The following DISC1 variants were observed in gnomAD, a reference collection of about 807,000 sequenced individuals.
The protein encoded by DISC1 is DISC1 scaffold protein, also known as disrupted in schizophrenia 1 protein.
In DISC1, 57 loss-of-function variants were observed where a neutral mutation model predicts 84.5. The observed-to-expected ratio is 0.67, with a 90% CI of 0.55 to 0.84. The LOEUF (loss-of-function observed/expected upper bound fraction) is 0.84. Among genes scored for constraint, DISC1 ranks in the 40% least tolerant of loss-of-function variants. DISC1 has a pLI of 0.00. For synonymous variants in DISC1, 411 were observed against 415.2 expected, an observed-to-expected ratio of 0.99 and a Z score of 0.12; for missense variants, 1,000 against 1,057.8, an observed-to-expected ratio of 0.95 and a Z score of 0.76.
intron 9 of DISC1, among the ~76,000 whole-genome samples, chr1:231,916,034 G>T (rs200030281): frequency 1.8e-4 from 28 of 152,180 alleles, no homozygotes; most frequent in Non-Finnish European, 3.5e-4. Flanking sequence ...ACAGGATTAC[G>T]AAGAGTAGCT....
chr1:232,017,661 G>A (rs1668609083), intron 11 of DISC1, among the ~76,000 whole-genome samples: 1 of 152,060 alleles, frequency 6.6e-6, no homozygotes, highest in African/African-American at 2.4e-5. Flanking sequence ...TATCCAAGGT[G>A]GAGGTTCATG....
At chr1:231,777,043 C>T (rs2077014402) in intron 6 of DISC1, among the ~76,000 whole-genome samples, 2 of 152,144 alleles carry the variant, frequency 1.3e-5, no homozygotes, top group Non-Finnish European at 1.5e-5. Context: ...GATTGTTGTT[C>T]TTTAATCTCC....
chr1:231,924,583 A>T lies in DISC1; in HGVS notation c.1982-34245A>T, dbSNP rs2090221976. ...ACTGAGAATCCTGATTCTCCTTTAG[A>T]GATAGGAGTTCTCTGGCTATTCTGA... On this transcript the variant is annotated intron_variant, in intron 9 of 12. Coordinates refer to ENST00000439617, the MANE Select transcript of DISC1 (RefSeq NM_018662.3). Among the ~76,000 whole-genome samples, 7 of 152,132 alleles carry T rather than the reference A, an allele frequency of 4.6e-5. No homozygotes were observed. In the South Asian group the frequency reaches 1.4e-3, roughly 31 times the overall value.
rs769316063 is a variant in DISC1, at chr1:231,694,021, T to C, written c.263T>C (p.Leu88Pro). 1.2e-6 allele frequency: 2 copies of C among 1,614,168 alleles called. No individual in the cohort carries two copies. The highest frequency in any genetic ancestry group is 1.7e-6 in the Non-Finnish European group (2 of 1,180,008). ...GAGTCCAGGGCCAGACAGTGTGGCC[T>C]TGACTCGAGAGGCCTCTTGGTCCGG... The part of the protein sequence containing the change: ...HSESRARQCG[L>P]DSRGLLVRSP... The change falls in exon 2 of 13, where the codon CTT becomes CCT. Residue 88 changes from leucine to proline, a missense_variant. Around this residue, in one of 3 missense-constraint regions of DISC1, gnomAD observed 292 missense variants for 280.2 expected, o/e 1.04. Coordinates refer to ENST00000439617, the MANE Select transcript of DISC1 (RefSeq NM_018662.3).
intron 10 of DISC1, among the ~76,000 whole-genome samples, chr1:232,007,399 G>A (rs899519673): frequency 7.9e-5 from 12 of 152,150 alleles, no homozygotes; most frequent in Non-Finnish European, 5.9e-5. Context: ...CAAGACCATA[G>A]GAACCCATCT....
chr1:231,665,536 T>C (rs937911144), intron 1 of DISC1, among the ~76,000 whole-genome samples: 2 of 152,250 alleles, frequency 1.3e-5, no homozygotes, highest in Non-Finnish European at 2.9e-5. Context: ...AAACTTACAA[T>C]ATCAATAAGT....
At chr1:231,811,369 G>A (rs1166659209) in intron 8 of DISC1, among the ~76,000 whole-genome samples, 7 of 152,186 alleles carry the variant, frequency 4.6e-5, no homozygotes, top group African/African-American at 9.7e-5. Flanking sequence ...CCTTGACCTC[G>A]CCAAGGGAAG....
intron 10 of DISC1, among the ~76,000 whole-genome samples, chr1:231,973,057 T>A (rs1352108790): frequency 6.6e-6 from 1 of 151,518 alleles, no homozygotes; most frequent in Middle Eastern, 3.2e-3. Context: ...TCTTTTTTTT[T>A]TTTTTTTGAG....
At chr1:231,995,562 T>C (rs1392544417) in intron 10 of DISC1, among the ~76,000 whole-genome samples, 1 of 151,996 alleles carries the variant, frequency 6.6e-6, no homozygotes, top group Non-Finnish European at 1.5e-5. Context: ...CATTGTTCAA[T>C]TCCCACCTAT....
intron 4 of DISC1, among the ~76,000 whole-genome samples, chr1:231,757,523 C>T (rs993628685): frequency 6.6e-6 from 1 of 152,080 alleles, no homozygotes; most frequent in Non-Finnish European, 1.5e-5. Flanking sequence ...GGGTTATGTT[C>T]AGATCCTGCC....
rs1234292337 is a variant in DISC1, at chr1:232,037,901, C to T, written c.*1070C>T. The T allele has an allele frequency of 6.6e-6, 1 of 151,198 alleles. No homozygotes were observed. The highest frequency in any genetic ancestry group is 1.5e-5 in the Non-Finnish European group (1 of 68,150). The allele number at this position is 151,198 out of a possible 1,614,324, so 9.4% of individuals were successfully genotyped here. On this transcript the variant is annotated 3_prime_UTR_variant, in exon 13 of 13. Coordinates refer to ENST00000439617, the MANE Select transcript of DISC1 (RefSeq NM_018662.3). ...AGCACAGTACTCAGGCAGTGCAATACTCAGTGCGGTACTCAGTAACACAGT... is the reference window on the plus strand; with the variant it reads ...AGCACAGTACTCAGGCAGTGCAATATTCAGTGCGGTACTCAGTAACACAGT...
rs79052497 is a variant in DISC1, at chr1:231,994,694, G to T, written c.2043-14091G>T. On this transcript the variant is annotated intron_variant, in intron 10 of 12. Transcript: ENST00000439617. Reference sequence around the variant, plus strand: ...GTGCTGGGAGTGGGGATGGGGATGAGGATGATGAGGATGATGATGAGTAGC... The same window carrying T: ...GTGCTGGGAGTGGGGATGGGGATGATGATGATGAGGATGATGATGAGTAGC... Among the ~76,000 whole-genome samples, 778 of 152,276 alleles carry T rather than the reference G, an allele frequency of 5.1e-3. 5 individuals carry two copies. Among genetic ancestry groups the T allele is most frequent in the African/African-American group, 0.018 (736 of 41,560 alleles).
At chr1:232,015,849 C>T (rs559002421) in intron 11 of DISC1, among the ~76,000 whole-genome samples, 11 of 152,286 alleles carry the variant, frequency 7.2e-5, no homozygotes, top group African/African-American at 2.6e-4. Context: ...TTCCACACCC[C>T]CTCCTCCACC....
intron 6 of DISC1, among the ~76,000 whole-genome samples, chr1:231,781,445 T>C (rs752780139): frequency 1.3e-5 from 2 of 152,128 alleles, no homozygotes; most frequent in Non-Finnish European, 2.9e-5. Context: ...AATTTAGGCA[T>C]TAGATTAATT....
intron 1 of DISC1, among the ~76,000 whole-genome samples, chr1:231,684,548 A>T (rs1011242688): frequency 4.6e-5 from 7 of 152,156 alleles, no homozygotes; most frequent in Admixed American, 1.3e-4. Flanking sequence ...CAGCAGGCTT[A>T]AAAATGGAAC....
chr1:231,843,377 G>T (rs992501682), intron 9 of DISC1, among the ~76,000 whole-genome samples: 1 of 152,142 alleles, frequency 6.6e-6, no homozygotes, highest in Non-Finnish European at 1.5e-5. Flanking sequence ...CACTTAAGGA[G>T]CTTGGAAATG....
intron 9 of DISC1, among the ~76,000 whole-genome samples, chr1:231,955,455 G>A (rs1001428645): frequency 3.3e-5 from 5 of 149,782 alleles, no homozygotes; most frequent in African/African-American, 1.2e-4. Context: ...TTTTCTGGTG[G>A]CTTAGGGTAA....
rs181027611 is a variant in DISC1 at position 231,721,073 on chromosome 1, G to T, written c.1117+19049G>T. The stretch of plus-strand genomic sequence containing the variant: ...TTTCCCAGCTTTTTTCCAGAGCCAG[G>T]TCTGTCCTGATGTGAGAAATGATGT... On this transcript the variant is annotated intron_variant, in intron 3 of 12. Transcript: ENST00000439617. 11 of 1,290,928 alleles carry T rather than the reference G, an allele frequency of 8.5e-6. No individual in the cohort carries two copies. The African/African-American group carries it at 1.7e-4, about 20-fold the overall frequency. The allele number at this position is 1,290,928 out of a possible 1,614,324, so 80.0% of individuals were successfully genotyped here. A position where few individuals can be genotyped will look rare whatever the true frequency, so the allele number is the denominator to read the frequency against.
chr1:231,869,132 C>G (rs2085278751), intron 9 of DISC1, among the ~76,000 whole-genome samples: 1 of 151,996 alleles, frequency 6.6e-6, no homozygotes, highest in African/African-American at 2.4e-5. Flanking sequence ...ATCAGCATGT[C>G]AAACATATCA....
Sources: gnomAD v4.1 joint callset for allele counts (sites outside exome capture counted in the v4.1 genomes callset) on GRCh38, gnomAD v4.1.1 for gene constraint, gnomAD v4.1.1 regional missense constraint, MANE v1.5 for transcripts, NCBI Gene and HGNC (gene_info 2026-07-23, HGNC 2026-07-21) for gene names.